HHIP: variants seen among roughly 807,000 people sequenced by gnomAD.
HHIP encodes hedgehog interacting protein, also known as hedgehog-interacting protein.
Under a neutral mutation model 74.0 loss-of-function variants are expected in HHIP, and 12 were observed. The ratio of observed to expected loss-of-function variants is 0.16; its 90% confidence interval spans 0.10 to 0.26. The LOEUF (loss-of-function observed/expected upper bound fraction) is 0.26. HHIP is among the 10% of genes least tolerant of loss of function. The probability of loss-of-function intolerance (pLI) is 1.00; values close to 1 mark genes in which losing one functional copy is unlikely to be tolerated. For missense variants in HHIP, 788 were observed against 845.0 expected (o/e 0.93, Z 0.84); for synonymous variants, 309 against 311.6 (o/e 0.99, Z 0.09).
chr4:144,674,999 T>C (rs1162707952), intron 4 of HHIP, among the ~76,000 whole-genome samples: 3 of 152,322 alleles, frequency 2.0e-5, no homozygotes, highest in East Asian at 1.9e-4. Context: ...AGGCAGTTAG[T>C]CACATTGTTG....
At chr4:144,712,885 G>GGTGTGTGTGT (rs4030000) in intron 8 of HHIP, among the ~76,000 whole-genome samples, 55 of 144,130 alleles carry the variant, frequency 3.8e-4, no homozygotes, top group African/African-American at 1.3e-3. Flanking sequence ...TTTTTTTTCA[G>GGTGTGTGTGT]GTGTGTGTGT....
chr4:144,701,503 G>A lies in HHIP; in HGVS notation c.832-5028G>A, dbSNP rs1167918550. Among the ~76,000 whole-genome samples the A allele has an allele frequency of 2.6e-5, 4 of 151,936 alleles. No individual in the cohort carries two copies. In the East Asian group the frequency reaches 7.7e-4, roughly 29 times the overall value. Reference sequence around the variant, plus strand: ...CTCCTCAAAAATCTCCAAGTATGATGGGAATGAAACAACTCAAAATTCAAA... The same window carrying A: ...CTCCTCAAAAATCTCCAAGTATGATAGGAATGAAACAACTCAAAATTCAAA... On this transcript the variant is annotated intron_variant, in intron 4 of 12. Coordinates refer to ENST00000296575, the MANE Select transcript of HHIP (RefSeq NM_022475.3).
chr4:144,698,466 C>T (rs1341181382), intron 4 of HHIP, among the ~76,000 whole-genome samples: 1 of 152,098 alleles, frequency 6.6e-6, no homozygotes, highest in Non-Finnish European at 1.5e-5. Flanking sequence ...AGCCTAGGAG[C>T]AACGGGCCAT....
At chr4:144,671,920 G>A (rs926997638) in intron 4 of HHIP, among the ~76,000 whole-genome samples, 1 of 152,074 alleles carries the variant, frequency 6.6e-6, no homozygotes, top group Non-Finnish European at 1.5e-5. Context: ...GGAGGCAGAG[G>A]TTGCAGTGAG....
intron 4 of HHIP, among the ~76,000 whole-genome samples, chr4:144,695,633 T>A (rs1233823150): frequency 6.6e-6 from 1 of 151,886 alleles, no homozygotes; most frequent in Non-Finnish European, 1.5e-5. Flanking sequence ...GTCTACTAAA[T>A]AAATTTCTTT....
chr4:144,663,358 T>C (rs1435383241), intron 4 of HHIP, among the ~76,000 whole-genome samples: 1 of 152,282 alleles, frequency 6.6e-6, no homozygotes, highest in Admixed American at 6.5e-5. Context: ...CACCCAGGCA[T>C]CAATATGTTT....
chr4:144,659,171 T>C lies in HHIP; in HGVS notation c.629+225T>C, dbSNP rs1728633004. 2.0e-5 allele frequency among the ~76,000 whole-genome samples: 3 copies of C among 152,234 alleles called. No individual in the cohort carries two copies. In the South Asian group the frequency reaches 6.2e-4, roughly 31 times the overall value. ...ATGAGCTTGGCTTCTCTATGACTCA[T>C]GTCAATTTTATGGGTATAGTTTTAA... On this transcript the variant is annotated intron_variant, in intron 3 of 12. Coordinates refer to ENST00000296575, the MANE Select transcript of HHIP (RefSeq NM_022475.3).
rs552426912 is a variant in HHIP at position 144,703,980 on chromosome 4, T to C, written c.832-2551T>C. 4.6e-5 allele frequency among the ~76,000 whole-genome samples: 7 copies of C among 152,330 alleles called. No homozygotes were observed. In the South Asian group the frequency reaches 1.2e-3, roughly 27 times the overall value. ...TTGTCAGTAATATATTTTAATTAAGTAGACAACATAATTCTGAAGTCTAAT... is the reference window on the plus strand; with the variant it reads ...TTGTCAGTAATATATTTTAATTAAGCAGACAACATAATTCTGAAGTCTAAT... On this transcript the variant is annotated intron_variant, in intron 4 of 12. Coordinates refer to ENST00000296575, the MANE Select transcript of HHIP (RefSeq NM_022475.3).
chr4:144,658,011 T>C (rs1204179473), intron 2 of HHIP, among the ~76,000 whole-genome samples: 2 of 152,218 alleles, frequency 1.3e-5, no homozygotes, highest in Non-Finnish European at 2.9e-5. Context: ...CTTATGTAAG[T>C]GGCAATACAC....
intron 11 of HHIP, among the ~76,000 whole-genome samples, chr4:144,724,785 CTCTTT>C (rs1458848050): frequency 6.6e-6 from 1 of 150,400 alleles, no homozygotes; most frequent in Non-Finnish European, 1.5e-5. Flanking sequence ...AAGGAATTTT[CTCTTT>C]TATACTAAGT....
At chr4:144,684,815 T>A (rs866986324) in intron 4 of HHIP, among the ~76,000 whole-genome samples, 6 of 152,152 alleles carry the variant, frequency 3.9e-5, no homozygotes, top group African/African-American at 1.4e-4. Flanking sequence ...TCTGATTGTA[T>A]TCTGTAACTT....
chr4:144,676,238 T>C (rs1232399748), intron 4 of HHIP, among the ~76,000 whole-genome samples: 1 of 152,294 alleles, frequency 6.6e-6, no homozygotes, highest in African/African-American at 2.4e-5. Context: ...CCACTCTAAA[T>C]TGTTTATATT....
In HHIP at chr4:144,675,809, T is replaced by C. The variant is rs1729155196; in HGVS notation, c.831+15971T>C. On this transcript the variant is annotated intron_variant, in intron 4 of 12. Transcript: ENST00000296575. ...AGAGAATGTTTAGGTATATGAGTAG[T>C]ACATAGACTAAATGTGGAATATTTC... is the stretch of plus-strand genomic sequence containing the variant. 2.6e-5 allele frequency among the ~76,000 whole-genome samples: 4 copies of C among 152,200 alleles called. No homozygotes were observed. The South Asian group carries it at 8.3e-4, about 31-fold the overall frequency.
chr4:144,662,898 G>A (rs1481875884), intron 4 of HHIP, among the ~76,000 whole-genome samples: 1 of 152,158 alleles, frequency 6.6e-6, no homozygotes, highest in African/African-American at 2.4e-5. Flanking sequence ...AACCAGCTTT[G>A]TCTATCTAAA....
intron 4 of HHIP, among the ~76,000 whole-genome samples, chr4:144,687,258 CT>C (rs1335005125): frequency 6.6e-6 from 1 of 152,134 alleles, no homozygotes; most frequent in African/African-American, 2.4e-5. Flanking sequence ...ATAAGTATGG[CT>C]TTCACATAAA....
At chr4:144,712,433 T>C (rs1730331599) in intron 8 of HHIP, among the ~76,000 whole-genome samples, 1 of 152,160 alleles carries the variant, frequency 6.6e-6, no homozygotes, top group Admixed American at 6.5e-5. Context: ...AAAAAACAAG[T>C]GTTAAAAGTA....
rs775583869 is a variant in HHIP, at chr4:144,707,067, G to A, written c.984-20G>A. The A allele has an allele frequency of 1.2e-6, 2 of 1,609,228 alleles. No homozygotes were observed. Among genetic ancestry groups the A allele is most frequent in the Non-Finnish European group, 1.7e-6 (2 of 1,175,590 alleles). Reference sequence around the variant, plus strand: ...TAAATCTTTTAACAGTCATGGTATTGTTTTCTTCCCACAATGTAGAAAAAA... The same window carrying A: ...TAAATCTTTTAACAGTCATGGTATTATTTTCTTCCCACAATGTAGAAAAAA... On this transcript the variant is annotated intron_variant, in intron 5 of 12. Transcript: ENST00000296575.
In HHIP at chr4:144,743,261, A is replaced by T. The variant is rs906908206; in HGVS notation, c.*5304A>T. ...GGTGGTTTTCCTAGCTGCTATGGAAAGGTTTGTTCACTTATGAGATTAGGA... is the reference window on the plus strand; with the variant it reads ...GGTGGTTTTCCTAGCTGCTATGGAATGGTTTGTTCACTTATGAGATTAGGA... On this transcript the variant is annotated 3_prime_UTR_variant, in exon 13 of 13. Coordinates refer to ENST00000296575, the MANE Select transcript of HHIP (RefSeq NM_022475.3). 5 of 151,378 alleles carry T rather than the reference A, an allele frequency of 3.3e-5. No homozygotes were observed. Among genetic ancestry groups the T allele is most frequent in the Non-Finnish European group, 7.4e-5 (5 of 67,852 alleles). The allele number at this position is 151,378 out of a possible 1,614,324, so 9.4% of individuals were successfully genotyped here.
chr4:144,734,922 G>A (rs201921668), intron 12 of HHIP, 33 bp downstream of exon 12: 10 of 1,575,328 alleles, frequency 6.3e-6, no homozygotes, highest in South Asian at 1.1e-5. Flanking sequence ...GAAAAGGACT[G>A]GGGATGAGCC....
Sources: gnomAD v4.1 joint callset for allele counts (sites outside exome capture counted in the v4.1 genomes callset) on GRCh38, gnomAD v4.1.1 for gene constraint, MANE v1.5 for transcripts, NCBI Gene and HGNC (gene_info 2026-07-23, HGNC 2026-07-21) for gene names.